DLGAP1: variants seen among roughly 807,000 people sequenced by gnomAD.
DLGAP1 encodes the protein DLG associated protein 1, also known as disks large-associated protein 1.
A neutral mutation model predicts 90.8 loss-of-function variants in DLGAP1; 11 were observed. The observed-to-expected ratio is 0.12, with a 90% CI of 0.08 to 0.20. The LOEUF (loss-of-function observed/expected upper bound fraction) is 0.20, where lower values mean the gene tolerates loss of function less well. Ranked by LOEUF, DLGAP1 falls within the 10% of genes least tolerant of loss-of-function variation. The probability of loss-of-function intolerance (pLI) is 1.00; values close to 1 mark genes in which losing one functional copy is unlikely to be tolerated. For missense variants in DLGAP1, 1,050 were observed against 1,333.8 expected, an observed-to-expected ratio of 0.79 and a Z score of 3.31; for synonymous variants, 558 against 540.7, an observed-to-expected ratio of 1.03 and a Z score of -0.44.
At chr18:3,580,547 G>A (rs2055432275) in intron 8 of DLGAP1, 5 of 1,597,494 alleles carry the variant, frequency 3.1e-6, no homozygotes, top group Non-Finnish European at 4.3e-6. Context: ...GGCAGTGGAG[G>A]TGGCAGAGCC....
intron 2 of DLGAP1, among the ~76,000 whole-genome samples, chr18:4,106,031 CAAAAAAAA>C (rs60176243): frequency 9.8e-6 from 1 of 102,240 alleles, no homozygotes; most frequent in Admixed American, 1.2e-4. Flanking sequence ...GGGTCCGTCT[CAAAAAAAA>C]AAAAAAAAAA....
chr18:3,602,593 C>CAAAA (rs71159102), intron 7 of DLGAP1, among the ~76,000 whole-genome samples: 20 of 66,630 alleles, frequency 3.0e-4, no homozygotes, highest in African/African-American at 4.3e-4. Context: ...AGACTCCGTC[C>CAAAA]AAAAAAAAAA....
At chr18:4,048,458 T>A (rs2075087322) in intron 2 of DLGAP1, among the ~76,000 whole-genome samples, 1 of 152,238 alleles carries the variant, frequency 6.6e-6, no homozygotes, top group Non-Finnish European at 1.5e-5. Flanking sequence ...TGCCAAATCT[T>A]TTTTGGTCAG....
intron 4 of DLGAP1, among the ~76,000 whole-genome samples, chr18:3,871,071 A>C (rs2070722541): frequency 6.6e-6 from 1 of 152,174 alleles, no homozygotes; most frequent in Admixed American, 6.5e-5. Flanking sequence ...CCTTAAAAGG[A>C]TGTTATGAGA....
intron 7 of DLGAP1, chr18:3,656,221 G>T: frequency 2.2e-6 from 2 of 889,206 alleles, no homozygotes. Flanking sequence ...TTTTCTGCTG[G>T]CATTGCAAGA....
At chr18:3,880,886 T>G (rs1424923405) in intron 3 of DLGAP1, among the ~76,000 whole-genome samples, 5 of 128,108 alleles carry the variant, frequency 3.9e-5, no homozygotes, top group Admixed American at 1.0e-4. Context: ...GAGCTTGCAG[T>G]GAGCAGAGAT....
chr18:3,897,778 A>AT (rs869170460), intron 3 of DLGAP1, among the ~76,000 whole-genome samples: 2,694 of 94,502 alleles, frequency 0.029, 171 homozygotes, highest in Middle Eastern at 0.043. Flanking sequence ...CGAATTTCTG[A>AT]TTTTTTTTTT....
At position 3,526,499 on chromosome 18, in the gene DLGAP1, A is replaced by C. The variant is rs1243512441; in HGVS notation, c.2479+7695T>G. ...AGGGGACTGAAGGCCAAGTTTCACT[A>C]GCTTGGATGCTATTACCAGGCAAAA... On this transcript the variant is annotated intron_variant, in intron 10 of 12. Coordinates refer to ENST00000315677, the MANE Select transcript of DLGAP1 (RefSeq NM_004746.4). The surrounding 1 kb of genome is among the most constrained non-coding windows in gnomAD (Gnocchi z 4.7). 6.6e-6 allele frequency among the ~76,000 whole-genome samples: 1 copy of C among 152,248 alleles called. No individual in the cohort carries two copies. Among genetic ancestry groups the C allele is most frequent in the East Asian group, 1.9e-4 (1 of 5,204 alleles).
chr18:4,278,926 A>T (rs1448118400), intron 1 of DLGAP1, among the ~76,000 whole-genome samples: 1 of 152,204 alleles, frequency 6.6e-6, no homozygotes, highest in Non-Finnish European at 1.5e-5. Context: ...TTTTAAGCAA[A>T]CAAGAAAAAA....
At position 3,499,009 on chromosome 18, in the gene DLGAP1, G is replaced by A. The variant is rs1336164998; in HGVS notation, c.*176C>T. On this transcript the variant is annotated 3_prime_UTR_variant, in exon 13 of 13. Transcript: ENST00000315677. The surrounding 1 kb of genome is among the most constrained non-coding windows in gnomAD (Gnocchi z 6.4). ...AGATGGGCAAACGGGTACGGGAAGT[G>A]GGGGGCTGAGGGGGGCCCGGGGGGC... 3 of 582,168 alleles carry A rather than the reference G, an allele frequency of 5.2e-6. No homozygotes were observed. Among genetic ancestry groups the A allele is most frequent in the African/African-American group, 4.0e-5 (2 of 50,072 alleles). The allele number at this position is 582,168 out of a possible 1,614,324, so 36.1% of individuals were successfully genotyped here. A position where few individuals can be genotyped will look rare whatever the true frequency, so the allele number is the denominator to read the frequency against.
At chr18:3,608,857 A>G (rs2057453480) in intron 7 of DLGAP1, among the ~76,000 whole-genome samples, 1 of 152,180 alleles carries the variant, frequency 6.6e-6, no homozygotes, top group Non-Finnish European at 1.5e-5. Context: ...CATTTTTTTG[A>G]GACAGAGTCT....
chr18:3,574,202 T>C (rs2054973518), intron 8 of DLGAP1, among the ~76,000 whole-genome samples: 1 of 152,250 alleles, frequency 6.6e-6, no homozygotes, highest in South Asian at 2.1e-4. Context: ...TCTATTTATT[T>C]AGTATTTTCA....
intron 2 of DLGAP1, among the ~76,000 whole-genome samples, chr18:4,020,980 A>G (rs2074599280): frequency 1.3e-5 from 2 of 151,998 alleles, no homozygotes; most frequent in African/African-American, 2.4e-5. Context: ...CAGCTCGGCA[A>G]TCCCACCCAT....
Position 4,042,608 on chromosome 18 carries a change from C to T in DLGAP1, c.-158-37407G>A, listed in dbSNP as rs572512638. ...CAAAAAATTAGCTGGTCAGGGGTGG[C>T]GTGCGCCTGTAGTCCTAGCTGTTCG... On this transcript the variant is annotated intron_variant, in intron 2 of 12. Transcript: ENST00000315677. Among the ~76,000 whole-genome samples, 21 of 152,250 alleles carry T rather than the reference C, an allele frequency of 1.4e-4. No individual in the cohort carries two copies. In the South Asian group the frequency reaches 3.9e-3, roughly 29 times the overall value.
intron 10 of DLGAP1, among the ~76,000 whole-genome samples, chr18:3,523,620 G>C (rs150413327): frequency 2.6e-5 from 4 of 151,846 alleles, no homozygotes; most frequent in African/African-American, 9.7e-5. Flanking sequence ...GGCCAAGGAG[G>C]GCGGATCACG....
intron 1 of DLGAP1, among the ~76,000 whole-genome samples, chr18:4,340,863 G>A (rs1219845924): frequency 6.6e-6 from 1 of 150,756 alleles, no homozygotes; most frequent in Non-Finnish European, 1.5e-5. Flanking sequence ...CACCTAAGCA[G>A]CTCTCTCTGA....
chr18:4,321,588 G>T (rs1209114676), intron 1 of DLGAP1, among the ~76,000 whole-genome samples: 4 of 152,138 alleles, frequency 2.6e-5, no homozygotes, highest in Non-Finnish European at 5.9e-5. Context: ...CAGAATTCAA[G>T]TATCCATGCA....
intron 6 of DLGAP1, among the ~76,000 whole-genome samples, chr18:3,741,061 C>CCTCACCACCACCACCAT (rs1568047976): frequency 2.1e-4 from 19 of 90,858 alleles, no homozygotes; most frequent in African/African-American, 1.0e-3. Flanking sequence ...ACCACCATCA[C>CCTCACCACCACCACCAT]CACCACCACC....
At chr18:4,232,906 G>C (rs2078330525) in intron 1 of DLGAP1, among the ~76,000 whole-genome samples, 1 of 152,120 alleles carries the variant, frequency 6.6e-6, no homozygotes, top group Non-Finnish European at 1.5e-5. Context: ...TTGTACACAG[G>C]TCAGCTCTCA....
Sources: gnomAD v4.1 joint callset for allele counts (sites outside exome capture counted in the v4.1 genomes callset) on GRCh38, gnomAD v4.1.1 for gene constraint, Gnocchi (gnomAD v3.1) non-coding constraint, MANE v1.5 for transcripts, NCBI Gene and HGNC (gene_info 2026-07-23, HGNC 2026-07-21) for gene names.